Variants in IPO8 observed in about 807,000 individuals in gnomAD.
IPO8 encodes importin 8, also known as importin-8.
Under a neutral mutation model 141.2 loss-of-function variants are expected in IPO8, and 65 were observed. The ratio of observed to expected loss-of-function variants is 0.46; its 90% CI spans 0.38 to 0.57. The LOEUF (loss-of-function observed/expected upper bound fraction) is 0.57, where lower values mean the gene tolerates loss of function less well. Among genes scored for constraint, IPO8 ranks in the 20% least tolerant of loss-of-function variants. IPO8 has a pLI of 0.00. For missense variants in IPO8, 980 were observed against 1,246.8 expected (o/e 0.79, Z 3.22); for synonymous variants, 411 against 420.3 (o/e 0.98, Z 0.27).
At chr12:30,662,613 T>A in intron 14 of IPO8, 126 bp from the exon 15 acceptor site, 1 of 720,848 alleles carries the variant, frequency 1.4e-6, no homozygotes, top group Non-Finnish European at 2.5e-6. Flanking sequence ...ACACACTTGC[T>A]CTGTGGTAAG....
Position 30,695,501 on chromosome 12 carries a change from G to C in IPO8, c.84+63C>G. 6.9e-7 allele frequency: 1 copy of C among 1,459,434 alleles called. No individual in the cohort carries two copies. Among genetic ancestry groups the C allele is most frequent in the Non-Finnish European group, 9.6e-7 (1 of 1,044,018 alleles). 90.4% of individuals were successfully genotyped at this position (1,459,434 alleles called of 1,614,324 possible). The stretch of plus-strand genomic sequence containing the variant: ...GGACGAGGGGCGCCGGGGAGAGGGA[G>C]CCCGGCCAGCCGGCAGGGGCGCCCC... On this transcript the variant is annotated intron_variant, in intron 1 of 24. Coordinates refer to ENST00000256079, the MANE Select transcript of IPO8 (RefSeq NM_006390.4). The surrounding 1 kb of genome is among the most constrained non-coding windows in gnomAD (Gnocchi z 4.2).
intron 5 of IPO8, chr12:30,677,083 C>T: frequency 6.6e-7 from 1 of 1,517,080 alleles, no homozygotes; most frequent in Admixed American, 2.0e-5. Context: ...CGGATATTGC[C>T]TCCACATCCA....
intron 10 of IPO8, 39 bp downstream of exon 10, chr12:30,669,144 T>C (rs774941434): frequency 2.4e-6 from 2 of 846,012 alleles, no homozygotes; most frequent in Non-Finnish European, 3.8e-6. Context: ...TTACTTTACA[T>C]ATCCAGGAAC....
chr12:30,665,369 A>G, intron 12 of IPO8, 60 bp from the exon 13 acceptor site: 1 of 961,698 alleles, frequency 1.0e-6, no homozygotes, highest in Non-Finnish European at 1.7e-6. Flanking sequence ...ATCACTTCCT[A>G]ATCAAGTGTG....
chr12:30,671,659 A>T (rs1485653149), intron 8 of IPO8, among the ~76,000 whole-genome samples: 3 of 133,380 alleles, frequency 2.2e-5, no homozygotes, highest in Non-Finnish European at 4.7e-5. Context: ...TGGGTGATAG[A>T]GCGAGACTCT....
chr12:30,648,434 T>C lies in IPO8; in HGVS notation c.2268+703A>G, dbSNP rs540787066. Among the ~76,000 whole-genome samples the C allele has an allele frequency of 8.5e-5, 13 of 152,208 alleles. No homozygotes were observed. The East Asian group carries it at 2.3e-3, about 27-fold the overall frequency. On this transcript the variant is annotated intron_variant, in intron 20 of 24. Coordinates refer to ENST00000256079, the MANE Select transcript of IPO8 (RefSeq NM_006390.4). The stretch of plus-strand genomic sequence containing the variant: ...CTTGGGGCGAGTGACTGTTAATGAG[T>C]TTTTTGGGAGAGGGGTAATGACATG...
intron 22 of IPO8, among the ~76,000 whole-genome samples, chr12:30,636,114 T>C (rs1238043344): frequency 6.6e-6 from 1 of 152,132 alleles, no homozygotes; most frequent in East Asian, 1.9e-4. Flanking sequence ...AATTAGAAGC[T>C]GTATTTTGTG....
chr12:30,632,460 C>T (rs1159078238), intron 23 of IPO8, among the ~76,000 whole-genome samples: 1 of 152,164 alleles, frequency 6.6e-6, no homozygotes, highest in East Asian at 1.9e-4. Context: ...TCATCTCAAA[C>T]TCAACACAAC....
intron 17 of IPO8, among the ~76,000 whole-genome samples, chr12:30,653,587 C>T (rs1021796986): frequency 1.1e-4 from 17 of 151,938 alleles, no homozygotes; most frequent in South Asian, 8.3e-4. Context: ...ACTTGTAAAA[C>T]GTACAGTATT....
chr12:30,674,618 T>C, intron 7 of IPO8, 41 bp downstream of exon 7: 1 of 1,345,960 alleles, frequency 7.4e-7, no homozygotes, highest in Non-Finnish European at 1.1e-6. Flanking sequence ...GATACTGAGA[T>C]ACTGGCTGTA....
At chr12:30,662,260 A>C in intron 15 of IPO8, 67 bp downstream of exon 15, 1 of 1,293,192 alleles carries the variant, frequency 7.7e-7, no homozygotes, top group Non-Finnish European at 1.1e-6. Context: ...TGAACTCCAT[A>C]TTTTGGAGTT....
intron 19 of IPO8, among the ~76,000 whole-genome samples, chr12:30,651,605 A>G (rs950237158): frequency 6.6e-6 from 1 of 151,922 alleles, no homozygotes; most frequent in Non-Finnish European, 1.5e-5. Context: ...TTATTTATTT[A>G]CCTAAAGGAG....
At chr12:30,689,591 T>A (rs1390118392) in intron 2 of IPO8, among the ~76,000 whole-genome samples, 2 of 152,220 alleles carry the variant, frequency 1.3e-5, no homozygotes. Flanking sequence ...TTTCTTTATC[T>A]TTTTATTCTA....
At position 30,662,319 on chromosome 12, in the gene IPO8, G is replaced by C; in HGVS notation, c.1755+8C>G. The stretch of plus-strand genomic sequence containing the variant: ...AAACCAAATTAACATAAAACTGCCC[G>C]GTCTTACCAAGTGTTGGGTCATATC... On this transcript the variant is annotated splice_region_variant and intron_variant, in intron 15 of 24. Transcript: ENST00000256079. 1 of 1,605,102 alleles carries C rather than the reference G, an allele frequency of 6.2e-7. No homozygotes were observed. The highest frequency in any genetic ancestry group is 8.5e-7 in the Non-Finnish European group (1 of 1,175,712).
chr12:30,681,814 G>C lies in IPO8; in HGVS notation c.327C>G (p.Val109=). ...TGGCACGGAGACACATTGTTAATTGGACTCTACAAAGTAGGGAAGAAAAGT... is the reference window on the plus strand; with the variant it reads ...TGGCACGGAGACACATTGTTAATTGCACTCTACAAAGTAGGGAAGAAAAGT... ...GIIRSPDLVR[V]QLTMCLRAII... is the part of the protein sequence containing the mutation. Residue 109 remains valine, a synonymous_variant, in exon 4 of 25, where the codon GTC becomes GTG. Coordinates refer to ENST00000256079, the MANE Select transcript of IPO8 (RefSeq NM_006390.4). 6.2e-7 allele frequency: 1 copy of C among 1,612,000 alleles called. No homozygotes were observed. Among genetic ancestry groups the C allele is most frequent in the Non-Finnish European group, 8.5e-7 (1 of 1,178,914 alleles).
intron 5 of IPO8, among the ~76,000 whole-genome samples, chr12:30,679,586 GA>G (rs68104812): frequency 0.53 from 79,811 of 149,634 alleles, 21,427 homozygotes; most frequent in African/African-American, 0.61. Flanking sequence ...TGCTCTGGGG[GA>G]AAAAAAAAAA....
rs1449777196 is a variant in IPO8, at chr12:30,671,023, T to G, written c.983A>C (p.Asn328Thr). 6.2e-7 allele frequency: 1 copy of G among 1,613,428 alleles called. No individual in the cohort carries two copies. ...VAPRVLQQAF[N>T]YLNQGVVHSI... ...ATGAACCACCCCTTGGTTGAGATAG[T>G]TGAATGCTTGCTGAAGAACACGGGG... Residue 328 changes from asparagine (N) to threonine (T), a missense_variant, in exon 9 of 25, where the codon AAC (asparagine) becomes ACC (threonine). Coordinates refer to ENST00000256079, the MANE Select transcript of IPO8 (RefSeq NM_006390.4).
At chr12:30,653,982 A>C (rs574045972) in intron 17 of IPO8, among the ~76,000 whole-genome samples, 1 of 152,224 alleles carries the variant, frequency 6.6e-6, no homozygotes, top group South Asian at 2.1e-4. Context: ...AAGTTCTAGC[A>C]TGGCACTGGG....
rs1655673709 is a variant in IPO8 at position 30,680,494 on chromosome 12, A to G, written c.627T>C (p.Tyr209=). The G allele has an allele frequency of 1.9e-6, 3 of 1,610,420 alleles. No homozygotes were observed. Among genetic ancestry groups the G allele is most frequent in the Non-Finnish European group, 2.5e-6 (3 of 1,178,166 alleles). The part of the protein sequence containing the change: ...LLQKQILKIF[Y]ALVQYALPLQ... ...AATAGAAACCTACCTGAACAAGTGC[A>G]TAAAAGATTTTCAGAATTTGTTTCT... The change falls in exon 5 of 25, where the codon TAT becomes TAC. Residue 209 remains tyrosine (Y), a synonymous_variant. Transcript: ENST00000256079.
Sources: allele counts gnomAD v4.1 joint callset (sites outside exome capture counted in the v4.1 genomes callset), GRCh38; gene constraint gnomAD v4.1.1; non-coding constraint Gnocchi (gnomAD v3.1); transcripts MANE v1.5; gene names NCBI Gene and HGNC (gene_info 2026-07-23, HGNC 2026-07-21).